Variants in COL4A3 observed in about 807,000 individuals in gnomAD.
The protein encoded by COL4A3 is collagen alpha-3(IV) chain.
In COL4A3, 135 loss-of-function variants were observed where a neutral mutation model predicts 217.4. That is an observed-to-expected ratio of 0.62 (90% confidence interval 0.54 to 0.72). COL4A3 has a LOEUF of 0.72. COL4A3 is among the 30% of genes least tolerant of loss of function. The probability of loss-of-function intolerance (pLI) is 0.00; values close to 1 mark genes in which losing one functional copy is unlikely to be tolerated. For missense variants in COL4A3, 1,868 were observed against 2,119.9 expected, an observed-to-expected ratio of 0.88 and a Z score of 2.33; for synonymous variants, 690 against 736.3, an observed-to-expected ratio of 0.94 and a Z score of 1.02.
chr2:227,172,605 T>A (rs1159789961), intron 1 of COL4A3, among the ~76,000 whole-genome samples: 2 of 122,890 alleles, frequency 1.6e-5, no homozygotes, highest in African/African-American at 6.5e-5. Context: ...TTTTTTTTTT[T>A]AGATGGAGTC....
rs886851686 is a variant in COL4A3, at chr2:227,191,867, C to T, written c.87+27054C>T. The stretch of plus-strand genomic sequence containing the variant: ...CAGATTCTCTTACAAAACACAAAGA[C>T]CTTGGAATAAATTTGGCAATTTCTT... On this transcript the variant is annotated intron_variant, in intron 1 of 51. Coordinates refer to ENST00000396578, the MANE Select transcript of COL4A3 (RefSeq NM_000091.5). The surrounding 1 kb of genome is among the most constrained non-coding windows in gnomAD (Gnocchi z 6.8). Among the ~76,000 whole-genome samples, 1 of 151,916 alleles carries T rather than the reference C, an allele frequency of 6.6e-6. No homozygotes were observed. Among genetic ancestry groups the T allele is most frequent in the Non-Finnish European group, 1.5e-5 (1 of 67,988 alleles).
chr2:227,192,080 G>A (rs1039651465), intron 1 of COL4A3, among the ~76,000 whole-genome samples: 5 of 152,158 alleles, frequency 3.3e-5, no homozygotes, highest in South Asian at 2.1e-4. Context: ...ATCTCTCTGT[G>A]CTCAAGTATT....
At chr2:227,297,472 TG>T (rs2073077970) in intron 41 of COL4A3, among the ~76,000 whole-genome samples, 1 of 152,204 alleles carries the variant, frequency 6.6e-6, no homozygotes, top group South Asian at 2.1e-4. Flanking sequence ...GACAGCTAGT[TG>T]GAGACAGACT....
At chr2:227,237,344 T>C (rs1362485387) in intron 1 of COL4A3, among the ~76,000 whole-genome samples, 1 of 152,090 alleles carries the variant, frequency 6.6e-6, no homozygotes, top group Non-Finnish European at 1.5e-5. Flanking sequence ...ATGGAATATA[T>C]TGCATATTAA....
chr2:227,237,004 G>A (rs1310203906), intron 1 of COL4A3, among the ~76,000 whole-genome samples: 1 of 152,132 alleles, frequency 6.6e-6, no homozygotes, highest in Admixed American at 6.5e-5. Context: ...TTCTTTATTT[G>A]TTCCTCTGCT....
In COL4A3 at chr2:227,282,203, C is replaced by T. The variant is rs547234917; in HGVS notation, c.2489-162C>T. ...AGGAGAATCACTTGAACCAGGGAGGCGGAGGGTACAGTGAGCCGAAATCGC... is the reference window on the plus strand; with the variant it reads ...AGGAGAATCACTTGAACCAGGGAGGTGGAGGGTACAGTGAGCCGAAATCGC... On this transcript the variant is annotated intron_variant, in intron 31 of 51. Coordinates refer to ENST00000396578, the MANE Select transcript of COL4A3 (RefSeq NM_000091.5). This position sits in a 1 kb window ranked among gnomAD's most constrained non-coding sequence, Gnocchi z 4.4. Among the ~76,000 whole-genome samples, 41 of 151,084 alleles carry T rather than the reference C, an allele frequency of 2.7e-4. No homozygotes were observed. Among genetic ancestry groups the T allele is most frequent in the African/African-American group, 9.3e-4 (38 of 41,034 alleles).
chr2:227,219,777 G>A (rs1421084748), intron 1 of COL4A3, among the ~76,000 whole-genome samples: 2 of 152,070 alleles, frequency 1.3e-5, no homozygotes, highest in Non-Finnish European at 2.9e-5. Context: ...ATTTTATATA[G>A]TTAAATAATT....
At chr2:227,305,116 G>T in intron 47 of COL4A3, 33 bp downstream of exon 47, 1 of 1,584,552 alleles carries the variant, frequency 6.3e-7, no homozygotes, top group Non-Finnish European at 8.6e-7. Flanking sequence ...CACCGAAGAA[G>T]TGCTATTTCG....
At chr2:227,258,638 G>A (rs1027120625) in intron 18 of COL4A3, among the ~76,000 whole-genome samples, 2 of 152,130 alleles carry the variant, frequency 1.3e-5, no homozygotes, top group Non-Finnish European at 2.9e-5. Context: ...TCTTTTAATA[G>A]GGCCTTAATC....
chr2:227,197,243 G>A (rs1028355860), intron 1 of COL4A3, among the ~76,000 whole-genome samples: 2 of 152,032 alleles, frequency 1.3e-5, no homozygotes, highest in Non-Finnish European at 2.9e-5. Flanking sequence ...TTGAGATGGA[G>A]TCTCGCTCTG....
chr2:227,205,533 A>G (rs1364343431), intron 1 of COL4A3, among the ~76,000 whole-genome samples: 1 of 152,116 alleles, frequency 6.6e-6, no homozygotes, highest in African/African-American at 2.4e-5. Context: ...ATAATTGTAC[A>G]TGATCCCAGA....
chr2:227,268,520 C>G (rs1336780157), intron 23 of COL4A3: 1 of 152,244 alleles, frequency 6.6e-6, no homozygotes, highest in East Asian at 1.9e-4. Flanking sequence ...GAGACTGGGT[C>G]TCAATCCAAA....
intron 1 of COL4A3, among the ~76,000 whole-genome samples, chr2:227,196,968 G>T (rs937390646): frequency 3.3e-5 from 5 of 152,218 alleles, no homozygotes; most frequent in African/African-American, 4.8e-5. Context: ...ATTGAATCAT[G>T]GGGGGTAGGT....
chr2:227,247,475 A>G (rs2069418783), intron 7 of COL4A3, 83 bp from the exon 8 acceptor site: 2 of 1,328,972 alleles, frequency 1.5e-6, no homozygotes, highest in Non-Finnish European at 2.2e-6. Context: ...AGGATACACA[A>G]TAGCAGAGAG....
intron 17 of COL4A3, among the ~76,000 whole-genome samples, chr2:227,257,304 G>T (rs1036724769): frequency 3.9e-5 from 6 of 152,298 alleles, no homozygotes; most frequent in Admixed American, 1.3e-4. Context: ...CTCTGACCTG[G>T]GTGAGAACAC....
At chr2:227,199,208 T>C (rs986003692) in intron 1 of COL4A3, among the ~76,000 whole-genome samples, 2 of 152,074 alleles carry the variant, frequency 1.3e-5, no homozygotes, top group Non-Finnish European at 2.9e-5. Flanking sequence ...ACAAGAAAAA[T>C]TCCACTTTCT....
In COL4A3 at chr2:227,212,534, T is replaced by C. The variant is rs1166100229; in HGVS notation, c.88-25434T>C. Reference sequence around the variant, plus strand: ...TATCTGTCCTTTCCCCAGGAATCTGTAGTGCCAGGTCTGCCATATATGAGG... The same window carrying C: ...TATCTGTCCTTTCCCCAGGAATCTGCAGTGCCAGGTCTGCCATATATGAGG... On this transcript the variant is annotated intron_variant, in intron 1 of 51. Transcript: ENST00000396578. 2.6e-5 allele frequency among the ~76,000 whole-genome samples: 4 copies of C among 152,242 alleles called. No homozygotes were observed. The East Asian group carries it at 7.7e-4, about 29-fold the overall frequency.
intron 1 of COL4A3, among the ~76,000 whole-genome samples, chr2:227,237,247 T>C (rs1242213410): frequency 6.6e-6 from 1 of 152,224 alleles, no homozygotes; most frequent in Non-Finnish European, 1.5e-5. Context: ...ATGAGTTAGT[T>C]TGTTCTCTTT....
chr2:227,223,305 C>T (rs1188240531), intron 1 of COL4A3, among the ~76,000 whole-genome samples: 1 of 152,170 alleles, frequency 6.6e-6, no homozygotes, highest in Non-Finnish European at 1.5e-5. Flanking sequence ...TCCTAAGGTT[C>T]TGTTGGAATA....
Sources: allele counts gnomAD v4.1 joint callset (sites outside exome capture counted in the v4.1 genomes callset), GRCh38; gene constraint gnomAD v4.1.1; non-coding constraint Gnocchi (gnomAD v3.1); transcripts MANE v1.5; gene names NCBI Gene and HGNC (gene_info 2026-07-23, HGNC 2026-07-21).